The following ZNF91 variants were observed in gnomAD, a reference collection of about 807,000 sequenced individuals.
ZNF91 encodes the protein zinc finger protein 91 (HPF7, HTF10).
Under a neutral mutation model 12.6 loss-of-function variants are expected in ZNF91, and 7 were observed. That is an observed-to-expected ratio of 0.55 (90% CI 0.31 to 1.04). The LOEUF (loss-of-function observed/expected upper bound fraction) is 1.04. ZNF91 is among the 50% of genes least tolerant of loss of function. The pLI, the probability that ZNF91 is intolerant of heterozygous loss-of-function variation, is 0.05. For missense variants in ZNF91, 1,217 were observed against 1,385.4 expected (o/e 0.88, Z 1.93); for synonymous variants, 453 against 462.6 (o/e 0.98, Z 0.27).
At chr19:23,356,571 T>C (rs1242618802), downstream of ZNF91, among the ~76,000 whole-genome samples, 1 of 151,994 alleles carries the variant, frequency 6.6e-6, no homozygotes, top group Non-Finnish European at 1.5e-5. Context: ...ACAATGGACT[T>C]TGGGTACTTG....
At chr19:23,374,340 G>A (rs1251069884) in intron 2 of ZNF91, among the ~76,000 whole-genome samples, 3 of 145,772 alleles carry the variant, frequency 2.1e-5, no homozygotes, top group African/African-American at 5.1e-5. Context: ...TCAGGAGATC[G>A]AGACCATCCT....
intron 3 of ZNF91, among the ~76,000 whole-genome samples, chr19:23,350,973 T>C (rs983784945): frequency 1.3e-5 from 2 of 151,534 alleles, no homozygotes; most frequent in African/African-American, 4.8e-5. Flanking sequence ...GCTCTCAGGG[T>C]TCGAACCAAT....
At chr19:23,369,730 T>C (rs1339536092) in intron 3 of ZNF91, among the ~76,000 whole-genome samples, 1 of 151,082 alleles carries the variant, frequency 6.6e-6, no homozygotes, top group Non-Finnish European at 1.5e-5. Context: ...CTCTGAAACA[T>C]GTGCTGTGTC....
At chr19:23,384,651 A>G (rs1004427249) in intron 1 of ZNF91, 2 of 654,332 alleles carry the variant, frequency 3.1e-6, no homozygotes, top group Non-Finnish European at 2.5e-6. Flanking sequence ...TTGCCATACC[A>G]TCCAAATCGG....
upstream of ZNF91, among the ~76,000 whole-genome samples, chr19:23,312,103 C>T (rs143802060): frequency 2.2e-4 from 33 of 152,212 alleles, no homozygotes; most frequent in African/African-American, 7.7e-4. Flanking sequence ...TACTGTGACT[C>T]TCTTGCTGGT....
intron 1 of ZNF91, among the ~76,000 whole-genome samples, chr19:23,379,404 C>A (rs1282713596): frequency 2.0e-5 from 3 of 152,094 alleles, no homozygotes; most frequent in Admixed American, 6.5e-5. Flanking sequence ...CTCTTCAGCA[C>A]CAGAGAAACC....
downstream of ZNF91, among the ~76,000 whole-genome samples, chr19:23,353,446 A>G (rs1968414999): frequency 6.6e-6 from 1 of 152,200 alleles, no homozygotes; most frequent in Non-Finnish European, 1.5e-5. Flanking sequence ...AACCTCTGGG[A>G]TACAGCTAAG....
At chr19:23,390,853 C>G (rs967805599) in intron 1 of ZNF91, among the ~76,000 whole-genome samples, 4 of 151,598 alleles carry the variant, frequency 2.6e-5, no homozygotes, top group African/African-American at 9.7e-5. Flanking sequence ...GCTGGGATTA[C>G]AGGCATGAGC....
chr19:23,361,584 T>C lies in ZNF91; in HGVS notation c.1395A>G (p.Lys465=), dbSNP rs1184889240. 1 of 1,613,766 alleles carries C rather than the reference T, an allele frequency of 6.2e-7. No individual in the cohort carries two copies. The highest frequency in any genetic ancestry group is 2.2e-5 in the East Asian group (1 of 44,838). Residue 465 remains lysine, a synonymous_variant, in exon 4 of 4, where the codon AAA becomes AAG. Coordinates refer to ENST00000300619, the MANE Select transcript of ZNF91 (RefSeq NM_003430.4). ...ACCATATAAATGCTTTGCCACATTC[T>C]TTACATTTGAAGGGTTTCTCTCTAG... ...FHTREKPFKC[K]ECGKAFIWSS...
chr19:23,369,400 C>T (rs1419189095), intron 3 of ZNF91, among the ~76,000 whole-genome samples: 3 of 151,538 alleles, frequency 2.0e-5, no homozygotes, highest in African/African-American at 7.3e-5. Flanking sequence ...GGTGCGCCTC[C>T]GCCCGGCCGC....
intron 3 of ZNF91, among the ~76,000 whole-genome samples, chr19:23,366,423 CATATAAAAATGA>C: frequency 6.6e-6 from 1 of 152,122 alleles, no homozygotes; most frequent in Non-Finnish European, 1.5e-5. Context: ...ATAGAAGATT[CATATAAAAATGA>C]ATAAGAAAAC....
intron 1 of ZNF91, among the ~76,000 whole-genome samples, chr19:23,323,020 TCTC>T (rs901359338): frequency 6.5e-5 from 2 of 30,924 alleles, no homozygotes; most frequent in South Asian, 1.1e-3. Context: ...TTCCTCTTTT[TCTC>T]CTCGTCCTTT....
chr19:23,327,547 C>G (rs893384993), intron 1 of ZNF91: 2 of 152,022 alleles, frequency 1.3e-5, no homozygotes, highest in Non-Finnish European at 2.9e-5. Flanking sequence ...ATTAAAGATA[C>G]GTTACTAACT....
At chr19:23,323,740 CCTCTCCT>C (rs1469467456) in intron 1 of ZNF91, among the ~76,000 whole-genome samples, 27 of 122,982 alleles carry the variant, frequency 2.2e-4, no homozygotes, top group African/African-American at 9.3e-4. Flanking sequence ...TCCTCATTCT[CCTCTCCT>C]CTTTTTCTCA....
chr19:23,368,604 T>C (rs904377021), intron 3 of ZNF91, among the ~76,000 whole-genome samples: 1 of 149,380 alleles, frequency 6.7e-6, no homozygotes, highest in African/African-American at 2.5e-5. Flanking sequence ...TGGTGCCAAA[T>C]TCTTAGATAC....
chr19:23,352,376 C>T (rs577083225), intron 3 of ZNF91, among the ~76,000 whole-genome samples: 103 of 152,188 alleles, frequency 6.8e-4, no homozygotes, highest in Admixed American at 1.1e-3. Flanking sequence ...CCATAGCAGC[C>T]GCAGCAAGAC....
intron 3 of ZNF91, among the ~76,000 whole-genome samples, chr19:23,306,512 C>A (rs996446582): frequency 6.6e-6 from 1 of 152,200 alleles, no homozygotes; most frequent in African/African-American, 2.4e-5. Context: ...TTTGTCGCTG[C>A]CCACAGGGGG....
At chr19:23,386,276 C>T (rs979426997) in intron 1 of ZNF91, among the ~76,000 whole-genome samples, 2 of 151,898 alleles carry the variant, frequency 1.3e-5, no homozygotes, top group African/African-American at 4.8e-5. Context: ...TATCAAATGA[C>T]CAAAATATTT....
chr19:23,348,943 C>T (rs1039565054), intron 3 of ZNF91, among the ~76,000 whole-genome samples: 7 of 152,060 alleles, frequency 4.6e-5, no homozygotes, highest in Non-Finnish European at 7.4e-5. Flanking sequence ...CTGTCTTATG[C>T]GGTTGAGAGA....
Sources: allele counts gnomAD v4.1 joint callset (sites outside exome capture counted in the v4.1 genomes callset), GRCh38; gene constraint gnomAD v4.1.1; transcripts MANE v1.5; gene names NCBI Gene and HGNC (gene_info 2026-07-23, HGNC 2026-07-21).